The following PCDHGA2 variants were observed in gnomAD, a reference collection of about 807,000 sequenced individuals.
PCDHGA2 encodes protocadherin gamma-A2.
PCDHGA2 carries 40 observed loss-of-function variants against 59.2 expected under a neutral mutation model. The observed-to-expected ratio is 0.68, with a 90% CI of 0.52 to 0.88. PCDHGA2 has a LOEUF of 0.88. Ranked by LOEUF, PCDHGA2 falls within the 40% of genes least tolerant of loss-of-function variation. The probability of loss-of-function intolerance (pLI) is 0.00; values close to 1 mark genes in which losing one functional copy is unlikely to be tolerated. For missense variants in PCDHGA2, 1,226 were observed against 1,204.0 expected (o/e 1.02, Z -0.27); for synonymous variants, 560 against 526.0 (o/e 1.06, Z -0.89).
intron 1 of PCDHGA2, chr5:141,350,553 A>G (rs1758502630): frequency 1.9e-6 from 3 of 1,613,934 alleles, no homozygotes; most frequent in Non-Finnish European, 2.5e-6. Context: ...AGGAAACTTG[A>G]GTGTGCACTA....
chr5:141,364,808 G>A (rs1235589231), intron 1 of PCDHGA2: 2 of 1,614,026 alleles, frequency 1.2e-6, no homozygotes, highest in East Asian at 2.2e-5. Context: ...CGCGCGGGAT[G>A]CGGATGTGGG....
At chr5:141,376,556 A>G in intron 1 of PCDHGA2, 1 of 1,611,100 alleles carries the variant, frequency 6.2e-7, no homozygotes, top group Non-Finnish European at 8.5e-7. Context: ...TCTTCCCGCA[A>G]CCCAACTAAT....
intron 1 of PCDHGA2, chr5:141,350,696 G>A (rs1758540273): frequency 6.2e-7 from 1 of 1,613,948 alleles, no homozygotes; most frequent in Non-Finnish European, 8.5e-7. Context: ...AGCCTTACCC[G>A]GGGTAAAATT....
chr5:141,375,043 A>G, intron 1 of PCDHGA2: 1 of 1,614,056 alleles, frequency 6.2e-7, no homozygotes, highest in Non-Finnish European at 8.5e-7. Context: ...TGGGTGTTGA[A>G]GCCCGGGATG....
At chr5:141,419,663 G>A in intron 1 of PCDHGA2, 1 of 1,612,826 alleles carries the variant, frequency 6.2e-7, no homozygotes, top group Non-Finnish European at 8.5e-7. Flanking sequence ...GGGGCACAAT[G>A]CCTGGCTGTC....
intron 1 of PCDHGA2, chr5:141,357,460 T>G: frequency 6.2e-7 from 1 of 1,614,166 alleles, no homozygotes; most frequent in Non-Finnish European, 8.5e-7. Flanking sequence ...GCAGACCTAT[T>G]CCCACGAGGT....
chr5:141,414,850 C>T, intron 1 of PCDHGA2: 1 of 1,614,212 alleles, frequency 6.2e-7, no homozygotes, highest in Non-Finnish European at 8.5e-7. Flanking sequence ...TGTGCTGGAC[C>T]AGAACGACAA....
chr5:141,361,987 A>G (rs1194727117), intron 1 of PCDHGA2: 2 of 1,601,686 alleles, frequency 1.2e-6, no homozygotes, highest in African/African-American at 1.3e-5. Context: ...CGGGCTCTTC[A>G]GCCTGGGGTT....
chr5:141,361,963 C>T, intron 1 of PCDHGA2: 1 of 1,602,208 alleles, frequency 6.2e-7, no homozygotes. Context: ...CCACGTGCTG[C>T]AGGCCAGCGA....
intron 1 of PCDHGA2, among the ~76,000 whole-genome samples, chr5:141,456,679 T>C (rs1357662868): frequency 2.0e-5 from 3 of 152,104 alleles, no homozygotes; most frequent in Non-Finnish European, 2.9e-5. Flanking sequence ...AAAAATGCAT[T>C]ACTGGCCAGG....
At chr5:141,449,631 G>C in intron 1 of PCDHGA2, among the ~76,000 whole-genome samples, 1 of 148,476 alleles carries the variant, frequency 6.7e-6, no homozygotes, top group Middle Eastern at 3.6e-3. Flanking sequence ...TTAAAAAGAT[G>C]TATCTATATA....
At chr5:141,344,673 G>A in intron 1 of PCDHGA2, 1 of 1,613,990 alleles carries the variant, frequency 6.2e-7, no homozygotes, top group Non-Finnish European at 8.5e-7. Flanking sequence ...TGTCCTGGTT[G>A]CCTCTGATGG....
Position 141,489,662 on chromosome 5 carries a change from G to T in PCDHGA2, c.2425-5145G>T, listed in dbSNP as rs2233601. On this transcript the variant is annotated intron_variant, in intron 1 of 3. Transcript: ENST00000394576. The surrounding 1 kb of genome is among the most constrained non-coding windows in gnomAD (Gnocchi z 4.5). Reference sequence around the variant, plus strand: ...TTTGCCACCCCTGAGCGAGAGATGCGCATCTCAGAATCAGCAGCATCTGGG... The same window carrying T: ...TTTGCCACCCCTGAGCGAGAGATGCTCATCTCAGAATCAGCAGCATCTGGG... 2.5e-6 allele frequency: 4 copies of T among 1,614,024 alleles called. No homozygotes were observed. The African/African-American group carries it at 4.0e-5, about 16-fold the overall frequency.
At chr5:141,480,514 C>A (rs1015316945) in intron 1 of PCDHGA2, among the ~76,000 whole-genome samples, 2 of 127,196 alleles carry the variant, frequency 1.6e-5, no homozygotes, top group African/African-American at 7.3e-5. Flanking sequence ...TGAGAACAAC[C>A]AAAAATGACA....
chr5:141,505,371 C>T (rs2099845827), intron 2 of PCDHGA2, 22 bp from the exon 3 acceptor site: 4 of 1,613,980 alleles, frequency 2.5e-6, no homozygotes, highest in Non-Finnish European at 3.4e-6. Context: ...AGTCTGTGCT[C>T]ACCATCCTAC....
chr5:141,411,724 A>G (rs2095509404), intron 1 of PCDHGA2: 1 of 152,684 alleles, frequency 6.5e-6, no homozygotes, highest in South Asian at 2.1e-4. Flanking sequence ...GCTACAGAAC[A>G]TTTAAAAATT....
At position 141,477,754 on chromosome 5, in the gene PCDHGA2, C is replaced by T. The variant is rs1325020341; in HGVS notation, c.2425-17053C>T. The T allele has an allele frequency of 3.7e-6, 6 of 1,613,928 alleles. No homozygotes were observed. Among genetic ancestry groups the T allele is most frequent in the Non-Finnish European group, 5.1e-6 (6 of 1,180,046 alleles). On this transcript the variant is annotated intron_variant, in intron 1 of 3. Coordinates refer to ENST00000394576, the MANE Select transcript of PCDHGA2 (RefSeq NM_018915.4). The surrounding 1 kb of genome is among the most constrained non-coding windows in gnomAD (Gnocchi z 4.9). Reference sequence around the variant, plus strand: ...ATATCAGCGATGGGGGCACCCCGGTCCTAGCCACCAACATCAGCGTGAACA... The same window carrying T: ...ATATCAGCGATGGGGGCACCCCGGTTCTAGCCACCAACATCAGCGTGAACA...
Position 141,486,677 on chromosome 5 carries a change from G to A in PCDHGA2, c.2425-8130G>A, listed in dbSNP as rs755512470. ...ACTCCTGGAGCCCAGGAATCGAGATGTATCAGCTTCCTCTTTCATCTCTCT... is the reference window on the plus strand; with the variant it reads ...ACTCCTGGAGCCCAGGAATCGAGATATATCAGCTTCCTCTTTCATCTCTCT... On this transcript the variant is annotated intron_variant, in intron 1 of 3. Transcript: ENST00000394576. This position sits in a 1 kb window ranked among gnomAD's most constrained non-coding sequence, Gnocchi z 5.0. The A allele has an allele frequency of 3.7e-6, 6 of 1,614,060 alleles. No individual in the cohort carries two copies. Among genetic ancestry groups the A allele is most frequent in the Middle Eastern group, 1.6e-4 (1 of 6,062 alleles).
At chr5:141,385,891 T>C (rs1366389515) in intron 1 of PCDHGA2, 2 of 152,892 alleles carry the variant, frequency 1.3e-5, no homozygotes, top group African/African-American at 4.8e-5. Flanking sequence ...AAGAATGAAA[T>C]GTGTGTGTAT....
Sources: allele counts gnomAD v4.1 joint callset (sites outside exome capture counted in the v4.1 genomes callset), GRCh38; gene constraint gnomAD v4.1.1; non-coding constraint Gnocchi (gnomAD v3.1); transcripts MANE v1.5; gene names NCBI Gene and HGNC (gene_info 2026-07-23, HGNC 2026-07-21).